CTNNA2: variants seen among roughly 807,000 people sequenced by gnomAD.
The protein encoded by CTNNA2 is catenin alpha-2.
In CTNNA2, 42 loss-of-function variants were observed where a neutral mutation model predicts 101.0. That is an observed-to-expected ratio of 0.42 (90% CI 0.32 to 0.54). The LOEUF is 0.54. Ranked by LOEUF, CTNNA2 falls within the 20% of genes least tolerant of loss-of-function variation. The pLI is 0.14. For synonymous variants in CTNNA2, 450 were observed against 456.4 expected (o/e 0.99, Z 0.18); for missense variants, 871 against 1,223.1 (o/e 0.71, Z 4.29).
intron 7 of CTNNA2, among the ~76,000 whole-genome samples, chr2:80,229,612 C>T (rs552317927): frequency 7.9e-5 from 12 of 152,260 alleles, no homozygotes; most frequent in African/African-American, 2.6e-4. Flanking sequence ...TCCCTGAACT[C>T]CATCCTTTGG....
chr2:80,321,964 T>C (rs1054290723), intron 7 of CTNNA2, among the ~76,000 whole-genome samples: 9 of 151,790 alleles, frequency 5.9e-5, no homozygotes, highest in Admixed American at 3.3e-4. Flanking sequence ...TTTAAAAAGG[T>C]GTATTAGGTT....
At chr2:80,610,377 C>T (rs774745244) in intron 17 of CTNNA2, among the ~76,000 whole-genome samples, 11 of 151,718 alleles carry the variant, frequency 7.3e-5, no homozygotes, top group Admixed American at 2.6e-4. Flanking sequence ...CCCATACACA[C>T]ACATTTTCAA....
At chr2:80,476,511 G>C (rs11126768) in intron 9 of CTNNA2, among the ~76,000 whole-genome samples, 56,708 of 151,998 alleles carry the variant, frequency 0.37, 11,760 homozygotes, top group East Asian at 0.75. Flanking sequence ...AGCAAAAAAA[G>C]CATTTTTCCC....
intron 7 of CTNNA2, among the ~76,000 whole-genome samples, chr2:80,270,730 C>T (rs1673395156): frequency 6.6e-6 from 1 of 152,046 alleles, no homozygotes; most frequent in Non-Finnish European, 1.5e-5. Flanking sequence ...AGTTCAACAC[C>T]TATCAGGTAA....
chr2:79,667,634 T>C (rs1039943843), intron 2 of CTNNA2, among the ~76,000 whole-genome samples: 2 of 152,208 alleles, frequency 1.3e-5, no homozygotes, highest in African/African-American at 4.8e-5. Context: ...ATCCTCAAAA[T>C]AGAATTATAG....
intron 9 of CTNNA2, among the ~76,000 whole-genome samples, chr2:80,492,726 T>G (rs537068201): frequency 1.1e-3 from 171 of 152,320 alleles, no homozygotes; most frequent in African/African-American, 4.0e-3. Context: ...CTCTTGCCCT[T>G]CTGTGACTGG....
chr2:79,651,802 A>G (rs992562002), intron 2 of CTNNA2, 144 bp downstream of exon 2: 3 of 679,398 alleles, frequency 4.4e-6, no homozygotes, highest in Admixed American at 2.8e-5. Flanking sequence ...TGCCTGAACT[A>G]TGGGCAATCT....
rs571428802 is a variant in CTNNA2 at position 79,706,781 on chromosome 2, A to G, written c.103-37606A>G. Among the ~76,000 whole-genome samples the G allele has an allele frequency of 4.0e-4, 61 of 152,228 alleles. No individual in the cohort carries two copies. The South Asian group carries it at 0.012, about 31-fold the overall frequency. On this transcript the variant is annotated intron_variant, in intron 2 of 18. Transcript: ENST00000402739. Reference sequence around the variant, plus strand: ...AGATGCCTAATTCCTACTTTTACAGACATTGAGTGGGCATTCTTGTGATAT... The same window carrying G: ...AGATGCCTAATTCCTACTTTTACAGGCATTGAGTGGGCATTCTTGTGATAT...
intron 9 of CTNNA2, among the ~76,000 whole-genome samples, chr2:80,542,183 T>C (rs1691624193): frequency 6.6e-6 from 1 of 151,998 alleles, no homozygotes; most frequent in East Asian, 1.9e-4. Context: ...AAATGTCTAG[T>C]TAATATTTAA....
intron 2 of CTNNA2, among the ~76,000 whole-genome samples, chr2:79,719,640 G>A (rs1305202069): frequency 6.6e-6 from 1 of 152,050 alleles, no homozygotes; most frequent in Non-Finnish European, 1.5e-5. Flanking sequence ...GCATTTCTAC[G>A]ATGATTAATG....
At chr2:79,334,404 C>T (rs1676946090) in intron 3 of CTNNA2, among the ~76,000 whole-genome samples, 1 of 151,656 alleles carries the variant, frequency 6.6e-6, no homozygotes, top group South Asian at 2.1e-4. Flanking sequence ...GGATGATGTA[C>T]AGAAGTTGTA....
chr2:80,362,396 T>C (rs981145157), intron 7 of CTNNA2, among the ~76,000 whole-genome samples: 1 of 152,148 alleles, frequency 6.6e-6, no homozygotes, highest in African/African-American at 2.4e-5. Flanking sequence ...AATTATTTAC[T>C]TTTTCTTTTT....
At chr2:80,474,668 G>A (rs757602954) in intron 9 of CTNNA2, among the ~76,000 whole-genome samples, 4 of 151,980 alleles carry the variant, frequency 2.6e-5, no homozygotes, top group South Asian at 2.1e-4. Flanking sequence ...GGCCTTCCTC[G>A]GTGCTTTTTA....
intron 4 of CTNNA2, among the ~76,000 whole-genome samples, chr2:79,431,249 C>T (rs377278731): frequency 1.1e-4 from 16 of 152,152 alleles, no homozygotes; most frequent in Middle Eastern, 3.4e-3. Flanking sequence ...TTTTAGAGAC[C>T]GGTAATGTTA....
intron 7 of CTNNA2, among the ~76,000 whole-genome samples, chr2:80,099,079 A>C (rs944747581): frequency 6.6e-6 from 1 of 151,084 alleles, no homozygotes. Context: ...TGCAGAAATC[A>C]CCCGTCTTCT....
chr2:80,042,755 T>A (rs547486374), intron 7 of CTNNA2, among the ~76,000 whole-genome samples: 1 of 152,326 alleles, frequency 6.6e-6, no homozygotes, highest in South Asian at 2.1e-4. Flanking sequence ...ATTTGTGATA[T>A]GCTATTATGA....
At chr2:80,085,779 T>G (rs1159107429) in intron 7 of CTNNA2, among the ~76,000 whole-genome samples, 1 of 152,042 alleles carries the variant, frequency 6.6e-6, no homozygotes, top group Admixed American at 6.6e-5. Context: ...GGTTCCCTCT[T>G]TGTGTCAGTT....
intron 18 of CTNNA2, among the ~76,000 whole-genome samples, chr2:80,634,306 C>T (rs1202998712): frequency 3.3e-5 from 5 of 152,036 alleles, no homozygotes; most frequent in Non-Finnish European, 7.4e-5. Context: ...GTAGTTTTCA[C>T]CAAGATGCTG....
chr2:79,497,339 T>C (rs1380724272), intron 4 of CTNNA2, among the ~76,000 whole-genome samples: 1 of 152,204 alleles, frequency 6.6e-6, no homozygotes, highest in Non-Finnish European at 1.5e-5. Flanking sequence ...ACTTCTAGGC[T>C]TTTGATTTTG....
Sources: allele counts gnomAD v4.1 joint callset (sites outside exome capture counted in the v4.1 genomes callset), GRCh38; gene constraint gnomAD v4.1.1; transcripts MANE v1.5; gene names NCBI Gene and HGNC (gene_info 2026-07-23, HGNC 2026-07-21).